NCBP3: variants seen among roughly 807,000 people sequenced by gnomAD.
NCBP3 encodes nuclear cap-binding protein subunit 3.
A neutral mutation model predicts 75.7 loss-of-function variants in NCBP3; 20 were observed. The ratio of observed to expected loss-of-function variants is 0.26; its 90% CI spans 0.19 to 0.38. The LOEUF (loss-of-function observed/expected upper bound fraction) is 0.38, where lower values mean the gene tolerates loss of function less well. Ranked by LOEUF, NCBP3 falls within the 10% of genes least tolerant of loss-of-function variation. NCBP3 has a pLI of 1.00. For missense variants in NCBP3, 678 were observed against 796.9 expected, an observed-to-expected ratio of 0.85 and a Z score of 1.80; for synonymous variants, 293 against 290.5, an observed-to-expected ratio of 1.01 and a Z score of -0.09.
chr17:3,809,965 G>A lies in NCBP3; in HGVS notation c.*3079C>T, dbSNP rs2053384613. ...ACTATCCAGAACAGGCAAATCCACA[G>A]AGAGAGAAGGAAGATCAGTGGTGGC... is the stretch of plus-strand genomic sequence containing the variant. On this transcript the variant is annotated 3_prime_UTR_variant, in exon 13 of 13. Coordinates refer to ENST00000389005, the MANE Select transcript of NCBP3 (RefSeq NM_001114118.3). 1 of 152,214 alleles carries A rather than the reference G, an allele frequency of 6.6e-6. No individual in the cohort carries two copies. Among genetic ancestry groups the A allele is most frequent in the Non-Finnish European group, 1.5e-5 (1 of 68,054 alleles). The allele number at this position is 152,214 out of a possible 1,614,324, so 9.4% of individuals were successfully genotyped here.
At chr17:3,839,209 A>C (rs2054024879) in intron 3 of NCBP3, among the ~76,000 whole-genome samples, 1 of 152,180 alleles carries the variant, frequency 6.6e-6, no homozygotes, top group Non-Finnish European at 1.5e-5. Context: ...TACCCCAAAA[A>C]AACACAAAGA....
intron 3 of NCBP3, among the ~76,000 whole-genome samples, chr17:3,839,638 A>G (rs2054031766): frequency 6.6e-6 from 1 of 152,142 alleles, no homozygotes; most frequent in South Asian, 2.1e-4. Flanking sequence ...ATGAGCCACC[A>G]CACCTGGCCA....
rs949326840 is a variant in NCBP3, at chr17:3,802,209, G to A, written c.*10835C>T. ...AATTTTAATTAAACGTAAAAAGGCA[G>A]GACATTCCAAGGCTCTCTAACACGA... On this transcript the variant is annotated 3_prime_UTR_variant, in exon 13 of 13. Transcript: ENST00000389005. The A allele has an allele frequency of 1.1e-4, 16 of 152,164 alleles. No homozygotes were observed. The highest frequency in any genetic ancestry group is 1.9e-4 in the Non-Finnish European group (13 of 68,032). 9.4% of individuals were successfully genotyped at this position (152,164 alleles called of 1,614,324 possible).
chr17:3,837,478 CAGAA>C (rs931992995), intron 3 of NCBP3, among the ~76,000 whole-genome samples: 1 of 145,758 alleles, frequency 6.9e-6, no homozygotes, highest in South Asian at 2.1e-4. Flanking sequence ...GCCTGGGCTA[CAGAA>C]AGAGAGGAAA....
chr17:3,824,807 A>G (rs776789195), intron 7 of NCBP3, 135 bp downstream of exon 7: 8 of 436,224 alleles, frequency 1.8e-5, no homozygotes, highest in South Asian at 5.2e-5. Flanking sequence ...CAATTATTTC[A>G]TAAGCGCAGA....
At chr17:3,819,559 CAA>C (rs554652960) in intron 9 of NCBP3, among the ~76,000 whole-genome samples, 28 of 119,070 alleles carry the variant, frequency 2.4e-4, no homozygotes, top group African/African-American at 2.3e-4. Flanking sequence ...GACTCTGTCT[CAA>C]AAAAAAAAAA....
intron 1 of NCBP3, among the ~76,000 whole-genome samples, chr17:3,844,566 G>C (rs1302492352): frequency 6.6e-6 from 1 of 152,124 alleles, no homozygotes; most frequent in Non-Finnish European, 1.5e-5. Context: ...ATAAATACAT[G>C]TTGGCCGGAC....
At chr17:3,820,716 A>C (rs1358211127) in intron 9 of NCBP3, among the ~76,000 whole-genome samples, 1 of 152,224 alleles carries the variant, frequency 6.6e-6, no homozygotes, top group African/African-American at 2.4e-5. Flanking sequence ...GTGGAACACA[A>C]GGTCAGGAGT....
intron 1 of NCBP3, among the ~76,000 whole-genome samples, chr17:3,843,570 G>A (rs926193638): frequency 6.6e-6 from 1 of 152,246 alleles, no homozygotes; most frequent in East Asian, 1.9e-4. Flanking sequence ...TTTTGAGATG[G>A]AGTCTCACTC....
At chr17:3,829,125 A>G (rs1468636942) in intron 4 of NCBP3, 118 bp downstream of exon 4, 1 of 1,164,186 alleles carries the variant, frequency 8.6e-7, no homozygotes, top group Non-Finnish European at 1.2e-6. Context: ...CTGGACTAAC[A>G]GCAGAAGTTC....
chr17:3,846,225 GCTGC>G lies in NCBP3; in HGVS notation c.-6_-3del. On this transcript the variant is annotated 5_prime_UTR_variant, in exon 1 of 13. Transcript: ENST00000389005. This position sits in a 1 kb window ranked among gnomAD's most constrained non-coding sequence, Gnocchi z 4.6. ...CCGCAGGCCCCGTACGGCCGCCATC[GCTGC>G]CTGCCGGCCGCACCACTGAGAGCCC... 1 of 1,425,036 alleles carries G rather than the reference GCTGC, an allele frequency of 7.0e-7. No homozygotes were observed. The highest frequency in any genetic ancestry group is 9.1e-7 in the Non-Finnish European group (1 of 1,096,840). The allele number at this position is 1,425,036 out of a possible 1,614,324, so 88.3% of individuals were successfully genotyped here.
chr17:3,840,698 TTGTC>T (rs1410428911), intron 2 of NCBP3, among the ~76,000 whole-genome samples: 1 of 152,072 alleles, frequency 6.6e-6, no homozygotes, highest in Non-Finnish European at 1.5e-5. Flanking sequence ...CCACTTCACA[TTGTC>T]TGAGCAATGG....
intron 11 of NCBP3, 105 bp downstream of exon 11, chr17:3,816,011 C>G: frequency 3.6e-6 from 4 of 1,108,438 alleles, no homozygotes; most frequent in Non-Finnish European, 5.1e-6. Flanking sequence ...ACCAGGACAG[C>G]TAAATCAGTT....
At chr17:3,840,025 G>A in intron 3 of NCBP3, 75 bp downstream of exon 3, 1 of 1,179,400 alleles carries the variant, frequency 8.5e-7, no homozygotes, top group Non-Finnish European at 1.2e-6. Flanking sequence ...GGCAAGGCCA[G>A]AAGCATGAGG....
Position 3,803,479 on chromosome 17 carries a change from G to A in NCBP3, c.*9565C>T, listed in dbSNP as rs1430438168. The A allele has an allele frequency of 6.6e-6, 1 of 152,216 alleles. No individual in the cohort carries two copies. Among genetic ancestry groups the A allele is most frequent in the Non-Finnish European group, 1.5e-5 (1 of 68,056 alleles). 9.4% of individuals were successfully genotyped at this position (152,216 alleles called of 1,614,324 possible). A position where few individuals can be genotyped will look rare whatever the true frequency, so the allele number is the denominator to read the frequency against. On this transcript the variant is annotated 3_prime_UTR_variant, in exon 13 of 13. Transcript: ENST00000389005. Reference sequence around the variant, plus strand: ...TACACATTTCCTGAATTTGAGAACTGTACCATGGGCATGTGAGAGGCTGTC... The same window carrying A: ...TACACATTTCCTGAATTTGAGAACTATACCATGGGCATGTGAGAGGCTGTC...
chr17:3,819,952 G>GTAT (rs945074545), intron 9 of NCBP3, among the ~76,000 whole-genome samples: 8 of 152,100 alleles, frequency 5.3e-5, no homozygotes, highest in East Asian at 3.9e-4. Flanking sequence ...TAAAGTATGT[G>GTAT]TATTATTATT....
intron 2 of NCBP3, 78 bp downstream of exon 2, chr17:3,843,008 A>G (rs536555913): frequency 4.2e-5 from 47 of 1,131,814 alleles, no homozygotes; most frequent in Non-Finnish European, 5.9e-5. Context: ...GGAAATATTT[A>G]CTGTTATGTC....
chr17:3,843,157 A>G lies in NCBP3; in HGVS notation c.184-6T>C, dbSNP rs1224251922. The G allele has an allele frequency of 2.6e-6, 4 of 1,551,232 alleles. No homozygotes were observed. The highest frequency in any genetic ancestry group is 2.6e-6 in the Non-Finnish European group (3 of 1,146,748). ...TCATATCTTCTGCTCGTGTCCTAAC[A>G]CAAAGGGGAAGGGTGAGAAATTCAG... On this transcript the variant is annotated splice_region_variant and splice_polypyrimidine_tract_variant and intron_variant, in intron 1 of 12. Coordinates refer to ENST00000389005, the MANE Select transcript of NCBP3 (RefSeq NM_001114118.3).
intron 3 of NCBP3, among the ~76,000 whole-genome samples, chr17:3,837,942 T>G (rs1383462792): frequency 6.6e-6 from 1 of 151,984 alleles, no homozygotes; most frequent in Non-Finnish European, 1.5e-5. Context: ...CTGCCTTTTT[T>G]AGGAATATCT....
Sources: allele counts gnomAD v4.1 joint callset (sites outside exome capture counted in the v4.1 genomes callset), GRCh38; gene constraint gnomAD v4.1.1; non-coding constraint Gnocchi (gnomAD v3.1); transcripts MANE v1.5; gene names NCBI Gene and HGNC (gene_info 2026-07-23, HGNC 2026-07-21).